RGS6: variants seen among roughly 807,000 people sequenced by gnomAD.
The protein encoded by RGS6 is regulator of G protein signaling 6, also known as regulator of G-protein signaling 6.
In RGS6, 30 loss-of-function variants were observed where a neutral mutation model predicts 78.5. The ratio of observed to expected loss-of-function variants is 0.38; its 90% CI spans 0.29 to 0.52. The LOEUF (loss-of-function observed/expected upper bound fraction) is 0.52. RGS6 is among the 20% of genes least tolerant of loss of function. RGS6 has a pLI of 0.85. For missense variants in RGS6, 495 were observed against 609.7 expected, an observed-to-expected ratio of 0.81 and a Z score of 1.98; for synonymous variants, 206 against 206.0, an observed-to-expected ratio of 1.00 and a Z score of 0.00.
At chr14:72,434,930 T>C (rs117881125) in intron 3 of RGS6, among the ~76,000 whole-genome samples, 1 of 152,366 alleles carries the variant, frequency 6.6e-6, no homozygotes, top group Non-Finnish European at 1.5e-5. Context: ...ACATAGATTC[T>C]TAGTAGCTTT....
At chr14:72,289,945 G>A (rs144807110) in intron 2 of RGS6, among the ~76,000 whole-genome samples, 10 of 152,276 alleles carry the variant, frequency 6.6e-5, no homozygotes, top group African/African-American at 2.4e-4. Context: ...TGTTTTCCCT[G>A]TCACTTCTCA....
Position 72,132,796 on chromosome 14 carries a change from T to TC in RGS6, c.84+167922dup, listed in dbSNP as rs1457188068. On this transcript the variant is annotated intron_variant, in intron 2 of 17. Coordinates refer to ENST00000553525, the MANE Select transcript of RGS6 (RefSeq NM_001204424.2). ...TTTGTTTGTCGTTTTTTTTTTTTTT[T>TC]CTCTGTCAGACATGGCCTGCACCAT... 4.4e-3 allele frequency among the ~76,000 whole-genome samples: 675 copies of TC among 151,686 alleles called. 7 individuals are homozygous for TC. Among genetic ancestry groups the TC allele is most frequent in the African/African-American group, 0.016 (657 of 41,268 alleles).
chr14:72,440,956 TTGTA>T (rs3831613), intron 3 of RGS6, among the ~76,000 whole-genome samples: 19,689 of 151,762 alleles, frequency 0.13, 1,360 homozygotes, highest in Admixed American at 0.19. Context: ...CATGCATGAG[TTGTA>T]TGTGTGTTGC....
At chr14:72,459,163 C>A (rs2095710851) in intron 5 of RGS6, among the ~76,000 whole-genome samples, 1 of 152,142 alleles carries the variant, frequency 6.6e-6, no homozygotes, top group Non-Finnish European at 1.5e-5. Context: ...TATTTGCGAC[C>A]TAATCACCCT....
At chr14:71,971,632 G>A (rs964762855) in intron 2 of RGS6, among the ~76,000 whole-genome samples, 3 of 152,166 alleles carry the variant, frequency 2.0e-5, no homozygotes, top group Non-Finnish European at 4.4e-5. Flanking sequence ...CAATTTCTAT[G>A]GGTTAGTAAT....
At chr14:72,182,715 C>T (rs1197021051) in intron 2 of RGS6, among the ~76,000 whole-genome samples, 2 of 152,160 alleles carry the variant, frequency 1.3e-5, no homozygotes, top group Non-Finnish European at 2.9e-5. Flanking sequence ...GAAGTGCTCC[C>T]ACTATTTTAG....
intron 2 of RGS6, among the ~76,000 whole-genome samples, chr14:72,295,290 CA>C (rs67921203): frequency 0.14 from 12,424 of 91,550 alleles, 578 homozygotes; most frequent in East Asian, 0.37. Context: ...GACTCCGTCT[CA>C]AAAAAAAAAA....
chr14:72,107,865 A>G lies in RGS6; in HGVS notation c.84+142990A>G, dbSNP rs188668696. On this transcript the variant is annotated intron_variant, in intron 2 of 17. Coordinates refer to ENST00000553525, the MANE Select transcript of RGS6 (RefSeq NM_001204424.2). Reference sequence around the variant, plus strand: ...TCCACATTACACACACAATATTAATACTACCACCACCAATTATGATTACTA... The same window carrying G: ...TCCACATTACACACACAATATTAATGCTACCACCACCAATTATGATTACTA... Among the ~76,000 whole-genome samples the G allele has an allele frequency of 1.3e-4, 20 of 152,266 alleles. No homozygotes were observed. The East Asian group carries it at 3.9e-3, about 29-fold the overall frequency.
intron 2 of RGS6, among the ~76,000 whole-genome samples, chr14:72,253,858 G>C (rs2056445979): frequency 6.6e-6 from 1 of 152,196 alleles, no homozygotes. Flanking sequence ...TGGGGTGTTT[G>C]TTACTGCAGC....
At chr14:72,096,645 G>A (rs2095414337) in intron 2 of RGS6, among the ~76,000 whole-genome samples, 1 of 152,200 alleles carries the variant, frequency 6.6e-6, no homozygotes, top group Admixed American at 6.5e-5. Flanking sequence ...TTAAATGGCA[G>A]CTGGGGCTCC....
intron 2 of RGS6, among the ~76,000 whole-genome samples, chr14:71,970,756 C>T (rs942026747): frequency 2.0e-5 from 3 of 152,168 alleles, no homozygotes; most frequent in Non-Finnish European, 4.4e-5. Context: ...TGAATGAGCC[C>T]ACAGGCCAGC....
chr14:72,011,584 A>T (rs79442820), intron 2 of RGS6, among the ~76,000 whole-genome samples: 65 of 8,928 alleles, frequency 7.3e-3, no homozygotes, highest in African/African-American at 9.7e-3. Context: ...CAAAAATATA[A>T]AAAAAAAAAA....
rs921983001 is a variant in RGS6 at position 72,107,536 on chromosome 14, A to T, written c.84+142661A>T. On this transcript the variant is annotated intron_variant, in intron 2 of 17. Coordinates refer to ENST00000553525, the MANE Select transcript of RGS6 (RefSeq NM_001204424.2). ...AAAAAATGTCAAAACCACAAACCAG[A>T]TTCTCATAACTACTGACTTGATTCT... 1.1e-4 allele frequency among the ~76,000 whole-genome samples: 17 copies of T among 152,128 alleles called. No homozygotes were observed. In the East Asian group the frequency reaches 2.9e-3, roughly 26 times the overall value.
chr14:72,344,169 G>A (rs1376639145), intron 2 of RGS6, among the ~76,000 whole-genome samples: 1 of 152,000 alleles, frequency 6.6e-6, no homozygotes, highest in Admixed American at 6.5e-5. Flanking sequence ...GGTCATTCTT[G>A]TCTGCTTTTT....
intron 3 of RGS6, among the ~76,000 whole-genome samples, chr14:72,447,536 C>T (rs1566871420): frequency 6.6e-6 from 1 of 152,194 alleles, no homozygotes. Context: ...CTGTCTCTCC[C>T]AGCCACGCAG....
rs2097492525 is a variant in RGS6, at chr14:72,550,668, A to AATC, written c.1422+10576_1422+10578dup. On this transcript the variant is annotated intron_variant, in intron 17 of 17. Coordinates refer to ENST00000553525, the MANE Select transcript of RGS6 (RefSeq NM_001204424.2). ...ATAATTCTAAATAATTAAAGGAGTC[A>AATC]ATCAATCACTAGCCTTTGTGAGTCA... The AATC allele has an allele frequency of 3.4e-6, 5 of 1,478,510 alleles. No individual in the cohort carries two copies. The South Asian group carries it at 6.8e-5, about 20-fold the overall frequency. 91.6% of individuals were successfully genotyped at this position (1,478,510 alleles called of 1,614,324 possible).
intron 2 of RGS6, among the ~76,000 whole-genome samples, chr14:72,033,896 A>G (rs1374034441): frequency 6.6e-6 from 1 of 152,102 alleles, no homozygotes; most frequent in African/African-American, 2.4e-5. Flanking sequence ...CCTCTTCACC[A>G]ACACTTGGTA....
chr14:72,465,764 A>G lies in RGS6; in HGVS notation c.401A>G (p.Tyr134Cys), dbSNP rs1181493931. ...ATTTCCTTTCTTCCCTCAGCCATCT[A>G]TCTCTGTAAGAGGACAATGCAAAAT... ...WEPENTDYAI[Y>C]LCKRTMQNKA... The change falls in exon 7 of 18, where the codon TAT becomes TGT. Residue 134 changes from tyrosine (Y) to cysteine (C), a missense_variant. Transcript: ENST00000553525. 5 of 1,613,018 alleles carry G rather than the reference A, an allele frequency of 3.1e-6. No homozygotes were observed. Among genetic ancestry groups the G allele is most frequent in the Non-Finnish European group, 4.2e-6 (5 of 1,179,172 alleles).
intron 2 of RGS6, among the ~76,000 whole-genome samples, chr14:72,063,963 T>C (rs2153441128): frequency 6.6e-6 from 1 of 152,242 alleles, no homozygotes; most frequent in Non-Finnish European, 1.5e-5. Context: ...GAGATTACTA[T>C]CATATCTTTA....
Sources: allele counts gnomAD v4.1 joint callset (sites outside exome capture counted in the v4.1 genomes callset), GRCh38; gene constraint gnomAD v4.1.1; transcripts MANE v1.5; gene names NCBI Gene and HGNC (gene_info 2026-07-23, HGNC 2026-07-21).